The following COTL1 variants were observed in gnomAD, a reference collection of about 807,000 sequenced individuals.
COTL1 encodes the protein coactosin like F-actin binding protein 1.
In COTL1, 15 loss-of-function variants were observed where a neutral mutation model predicts 16.5. The observed-to-expected ratio is 0.91, with a 90% CI of 0.61 to 1.40. COTL1 has a LOEUF of 1.40. COTL1 is among the 40% of genes most tolerant of loss of function. COTL1 has a pLI of 0.00. For missense variants in COTL1, 220 were observed against 201.5 expected, an observed-to-expected ratio of 1.09 and a Z score of -0.56; for synonymous variants, 112 against 85.3, an observed-to-expected ratio of 1.31 and a Z score of -1.73.
At chr16:84,599,446 C>T (rs767206468) in intron 2 of COTL1, among the ~76,000 whole-genome samples, 5 of 152,324 alleles carry the variant, frequency 3.3e-5, no homozygotes, top group Middle Eastern at 3.4e-3. Flanking sequence ...TCCCCCACCA[C>T]CCTAGAAACT....
At chr16:84,602,411 T>TTA (rs568913206) in intron 2 of COTL1, among the ~76,000 whole-genome samples, 3 of 144,406 alleles carry the variant, frequency 2.1e-5, no homozygotes, top group African/African-American at 5.1e-5. Context: ...TTCTTTTAAT[T>TTA]AAAAAAAAAA....
In COTL1 at chr16:84,590,883, G is replaced by T. The variant is rs1313972290; in HGVS notation, c.161-621C>A. ...GTATGAAGAGGAAACAAAGAAAATG[G>T]CTCTTAATTTGGCCCGGGATATGGC... On this transcript the variant is annotated intron_variant, in intron 2 of 3. Coordinates refer to ENST00000262428, the MANE Select transcript of COTL1 (RefSeq NM_021149.5). The surrounding 1 kb of genome is among the most constrained non-coding windows in gnomAD (Gnocchi z 5.5). Among the ~76,000 whole-genome samples the T allele has an allele frequency of 6.6e-6, 1 of 152,070 alleles. No homozygotes were observed. Among genetic ancestry groups the T allele is most frequent in the Admixed American group, 6.5e-5 (1 of 15,268 alleles).
chr16:84,600,515 G>A (rs556303817), intron 2 of COTL1, among the ~76,000 whole-genome samples: 2 of 152,228 alleles, frequency 1.3e-5, no homozygotes, highest in South Asian at 2.1e-4. Context: ...CTTTCACCGT[G>A]TTGGCCAGGC....
intron 3 of COTL1, among the ~76,000 whole-genome samples, chr16:84,574,527 C>A (rs530451817): frequency 2.0e-5 from 3 of 152,212 alleles, no homozygotes; most frequent in Admixed American, 6.5e-5. Flanking sequence ...TCACTCCAAG[C>A]GGCTGAAGCT....
At position 84,566,977 on chromosome 16, in the gene COTL1, C is replaced by T. The variant is rs186261987; in HGVS notation, c.319-22G>A. On this transcript the variant is annotated intron_variant, in intron 3 of 3. Transcript: ENST00000262428. ...AATTCTGCAAGAACAAAGGAAAACA[C>T]AGCGTTCCTATTAAGAAGGAAGGCA... 43 of 1,558,772 alleles carry T rather than the reference C, an allele frequency of 2.8e-5. No homozygotes were observed. The Middle Eastern group carries it at 6.7e-4, about 24-fold the overall frequency.
chr16:84,601,698 C>T (rs1905108031), intron 2 of COTL1, among the ~76,000 whole-genome samples: 1 of 152,202 alleles, frequency 6.6e-6, no homozygotes, highest in South Asian at 2.1e-4. Context: ...TCGTGATCCC[C>T]CCATCCTGGC....
At chr16:84,567,456 A>G (rs1904303754) in intron 3 of COTL1, 1 of 153,022 alleles carries the variant, frequency 6.5e-6, no homozygotes, top group South Asian at 2.0e-4. Flanking sequence ...GCTGACGTCA[A>G]GCTATCAAAG....
chr16:84,617,992 G>T lies in COTL1; in HGVS notation c.-78C>A. On this transcript the variant is annotated 5_prime_UTR_variant, in exon 1 of 4. Coordinates refer to ENST00000262428, the MANE Select transcript of COTL1 (RefSeq NM_021149.5). Reference sequence around the variant, plus strand: ...CCGGCGGCGGGGATGGGAGCGCGGCGGGTACGCGCCGAGGGCGCACGGGCT... The same window carrying T: ...CCGGCGGCGGGGATGGGAGCGCGGCTGGTACGCGCCGAGGGCGCACGGGCT... The T allele has an allele frequency of 9.5e-7, 1 of 1,057,364 alleles. No individual in the cohort carries two copies. Among genetic ancestry groups the T allele is most frequent in the Non-Finnish European group, 1.2e-6 (1 of 811,878 alleles). The allele number at this position is 1,057,364 out of a possible 1,614,324, so 65.5% of individuals were successfully genotyped here. A position where few individuals can be genotyped will look rare whatever the true frequency, so the allele number is the denominator to read the frequency against.
chr16:84,593,887 C>G (rs1005998153), intron 2 of COTL1, among the ~76,000 whole-genome samples: 2 of 152,196 alleles, frequency 1.3e-5, no homozygotes, highest in African/African-American at 4.8e-5. Context: ...TTTCACCACT[C>G]CAACGAGAAC....
chr16:84,605,370 T>C (rs1905192052), intron 2 of COTL1, among the ~76,000 whole-genome samples: 1 of 152,206 alleles, frequency 6.6e-6, no homozygotes, highest in African/African-American at 2.4e-5. Context: ...ACTGGGCATA[T>C]TAAATGAAAT....
intron 3 of COTL1, among the ~76,000 whole-genome samples, chr16:84,589,466 G>A (rs1437933678): frequency 1.3e-5 from 2 of 152,306 alleles, no homozygotes; most frequent in East Asian, 3.9e-4. Flanking sequence ...GTAAGAGGGA[G>A]AGATTCCCTA....
In COTL1 at chr16:84,566,823, G is replaced by C; in HGVS notation, c.*22C>G. On this transcript the variant is annotated 3_prime_UTR_variant, in exon 4 of 4. Coordinates refer to ENST00000262428, the MANE Select transcript of COTL1 (RefSeq NM_021149.5). The stretch of plus-strand genomic sequence containing the variant: ...GAGCAGGCAGATGACTTTGGCAAGG[G>C]GTGGTGTGGCGGGGGCTGGGGTTAC... 1 of 1,540,572 alleles carries C rather than the reference G, an allele frequency of 6.5e-7. No individual in the cohort carries two copies.
intron 3 of COTL1, among the ~76,000 whole-genome samples, chr16:84,583,975 C>T (rs1475367651): frequency 6.6e-6 from 1 of 152,156 alleles, no homozygotes; most frequent in Non-Finnish European, 1.5e-5. Flanking sequence ...TGAATGAACC[C>T]ATCCTGCAAG....
At position 84,607,408 on chromosome 16, in the gene COTL1, C is replaced by T. The variant is rs115567067; in HGVS notation, c.160+10093G>A. Among the ~76,000 whole-genome samples, 776 of 152,302 alleles carry T rather than the reference C, an allele frequency of 5.1e-3. 6 individuals are homozygous for T. The highest frequency in any genetic ancestry group is 0.017 in the African/African-American group (717 of 41,558). On this transcript the variant is annotated intron_variant, in intron 2 of 3. Transcript: ENST00000262428. ...GGATTCAAAGTGCAGTTCTTCCCAA[C>T]TGCAGCATCTCCAGCAAGCGACTCT...
chr16:84,581,978 CTTTTTTTTTTTTTTT>C (rs11332563), intron 3 of COTL1, among the ~76,000 whole-genome samples: 1 of 66,036 alleles, frequency 1.5e-5, no homozygotes, highest in African/African-American at 4.4e-5. Flanking sequence ...TACATTTCTT[CTTTTTTTTTTTTTTT>C]TTTTTTTTTT....
chr16:84,578,246 G>C (rs1230325669), intron 3 of COTL1, among the ~76,000 whole-genome samples: 1 of 152,064 alleles, frequency 6.6e-6, no homozygotes, highest in Non-Finnish European at 1.5e-5. Context: ...TTATTCCTCA[G>C]CCACATCCAT....
intron 3 of COTL1, among the ~76,000 whole-genome samples, chr16:84,579,507 C>G (rs1173515599): frequency 6.6e-6 from 1 of 152,098 alleles, no homozygotes; most frequent in Non-Finnish European, 1.5e-5. Flanking sequence ...ATTATAAAAA[C>G]AAAAAGCATT....
Position 84,585,412 on chromosome 16 carries a change from C to T in COTL1, c.318+4693G>A, listed in dbSNP as rs141327315. Among the ~76,000 whole-genome samples, 468 of 151,474 alleles carry T rather than the reference C, an allele frequency of 3.1e-3. 5 individuals carry two copies. Among genetic ancestry groups the T allele is most frequent in the African/African-American group, 0.011 (454 of 41,228 alleles). On this transcript the variant is annotated intron_variant, in intron 3 of 3. Coordinates refer to ENST00000262428, the MANE Select transcript of COTL1 (RefSeq NM_021149.5). The stretch of plus-strand genomic sequence containing the variant: ...AAGTTCCTCCACATCAATGACCGTG[C>T]AATTAATTTACACCCTCCACGTTTC...
chr16:84,581,959 A>G (rs954425811), intron 3 of COTL1, among the ~76,000 whole-genome samples: 1 of 150,278 alleles, frequency 6.7e-6, no homozygotes, highest in Non-Finnish European at 1.5e-5. Flanking sequence ...AAGAGCCTAC[A>G]TGAGCAGATA....
Sources: gnomAD v4.1 joint callset for allele counts (sites outside exome capture counted in the v4.1 genomes callset) on GRCh38, gnomAD v4.1.1 for gene constraint, Gnocchi (gnomAD v3.1) non-coding constraint, MANE v1.5 for transcripts, NCBI Gene and HGNC (gene_info 2026-07-23, HGNC 2026-07-21) for gene names.